Variants in CCT3 observed in about 807,000 individuals in gnomAD.
CCT3 encodes the protein T-complex protein 1 subunit gamma.
In CCT3, 10 loss-of-function variants were observed where a neutral mutation model predicts 65.3. That is an observed-to-expected ratio of 0.15 (90% CI 0.09 to 0.26). The LOEUF is 0.26. Among genes scored for constraint, CCT3 ranks in the 10% least tolerant of loss-of-function variants. The pLI is 1.00. For synonymous variants in CCT3, 225 were observed against 242.3 expected (o/e 0.93, Z 0.66); for missense variants, 626 against 708.7 (o/e 0.88, Z 1.33).
intron 6 of CCT3, 22 bp from the exon 7 acceptor site, chr1:156,321,047 G>A (rs776383985): frequency 5.6e-6 from 9 of 1,596,728 alleles, no homozygotes; most frequent in African/African-American, 1.3e-5. Context: ...AAAACCAGAC[G>A]ATATGTGAAG....
intron 1 of CCT3, among the ~76,000 whole-genome samples, chr1:156,336,240 G>A (rs1041409193): frequency 1.3e-5 from 2 of 148,522 alleles, no homozygotes; most frequent in African/African-American, 2.4e-5. Flanking sequence ...GTGGGATAGC[G>A]AACTCCCTGA....
intron 5 of CCT3, among the ~76,000 whole-genome samples, chr1:156,331,480 C>T (rs1489417767): frequency 6.6e-6 from 1 of 151,962 alleles, no homozygotes; most frequent in Non-Finnish European, 1.5e-5. Context: ...CTCAGGAGTT[C>T]GAGATCAGTC....
At chr1:156,315,911 T>C (rs1664291798) in intron 10 of CCT3, among the ~76,000 whole-genome samples, 1 of 152,142 alleles carries the variant, frequency 6.6e-6, no homozygotes. Flanking sequence ...AACATGTCTA[T>C]ACTATATAAT....
intron 10 of CCT3, among the ~76,000 whole-genome samples, chr1:156,315,067 T>C (rs997442317): frequency 4.6e-5 from 7 of 152,014 alleles, no homozygotes; most frequent in African/African-American, 1.7e-4. Flanking sequence ...TGCCTCCCCT[T>C]CTACCACTCT....
chr1:156,330,150 A>G (rs1161192916), intron 5 of CCT3, among the ~76,000 whole-genome samples: 1 of 152,194 alleles, frequency 6.6e-6, no homozygotes, highest in Non-Finnish European at 1.5e-5. Context: ...TATCAGCTAG[A>G]AAATTTTCTC....
chr1:156,318,518 T>C (rs1352104127), intron 8 of CCT3, among the ~76,000 whole-genome samples: 1 of 152,196 alleles, frequency 6.6e-6, no homozygotes, highest in African/African-American at 2.4e-5. Flanking sequence ...TGCATTAAGC[T>C]GAAATTCTCC....
rs369474360 is a variant in CCT3, at chr1:156,314,018, C to T, written c.975-1797G>A. Among the ~76,000 whole-genome samples, 281 of 145,276 alleles carry T rather than the reference C, an allele frequency of 1.9e-3. 2 individuals are homozygous for T. Among genetic ancestry groups the T allele is most frequent in the African/African-American group, 6.1e-3 (243 of 39,528 alleles). On this transcript the variant is annotated intron_variant, in intron 10 of 13. Transcript: ENST00000295688. ...CAGGAGAATCGCTTGAACCAGGAGGCGGAGGGTGCAGTGAGCCAAGATCAC... is the reference window on the plus strand; with the variant it reads ...CAGGAGAATCGCTTGAACCAGGAGGTGGAGGGTGCAGTGAGCCAAGATCAC...
intron 1 of CCT3, chr1:156,337,127 G>A (rs11264475): frequency 0.28 from 353,990 of 1,278,644 alleles, 50,688 homozygotes; most frequent in Non-Finnish European, 0.29. Flanking sequence ...ATAAGGGACC[G>A]GGCGCGGTGG....
At chr1:156,321,470 G>C (rs1664549591) in intron 6 of CCT3, among the ~76,000 whole-genome samples, 1 of 152,042 alleles carries the variant, frequency 6.6e-6, no homozygotes, top group African/African-American at 2.4e-5. Flanking sequence ...GGTCAAAGAT[G>C]ACCACCAACT....
chr1:156,311,333 G>T, intron 11 of CCT3, 138 bp from the exon 12 acceptor site: 2 of 729,476 alleles, frequency 2.7e-6, no homozygotes, highest in South Asian at 1.8e-5. Flanking sequence ...AACCCCTACT[G>T]GGCAGGGCAG....
intron 5 of CCT3, among the ~76,000 whole-genome samples, chr1:156,329,911 C>T (rs558627899): frequency 1.3e-5 from 2 of 151,544 alleles, no homozygotes; most frequent in African/African-American, 4.9e-5. Flanking sequence ...TGCACTCCAG[C>T]CTGGGCGACA....
intron 10 of CCT3, among the ~76,000 whole-genome samples, chr1:156,313,142 G>A (rs1191130696): frequency 1.3e-5 from 2 of 151,848 alleles, no homozygotes; most frequent in Non-Finnish European, 2.9e-5. Context: ...TCAGGAGTTC[G>A]AGACCAGCCT....
Position 156,309,323 on chromosome 1 carries a change from T to G in CCT3, c.1534-20A>C. ...TGCCGTCTAGGAGAAAAACCACAGA[T>G]GCAAAGAGGTCAGCAGAGAAGGAAA... On this transcript the variant is annotated intron_variant, in intron 13 of 13. Coordinates refer to ENST00000295688, the MANE Select transcript of CCT3 (RefSeq NM_005998.5). The G allele has an allele frequency of 6.6e-7, 1 of 1,515,666 alleles. No homozygotes were observed. The highest frequency in any genetic ancestry group is 9.2e-7 in the Non-Finnish European group (1 of 1,090,310). 93.9% of individuals were successfully genotyped at this position (1,515,666 alleles called of 1,614,324 possible).
chr1:156,335,504 T>C (rs1405987880), intron 2 of CCT3: 2 of 294,966 alleles, frequency 6.8e-6, no homozygotes, highest in Non-Finnish European at 1.2e-5. Context: ...CGGTGGGCAC[T>C]AGGAATACAA....
At chr1:156,334,601 G>C (rs1363863889) in intron 4 of CCT3, 112 bp downstream of exon 4, 1 of 922,744 alleles carries the variant, frequency 1.1e-6, no homozygotes, top group Non-Finnish European at 1.7e-6. Flanking sequence ...CCAGTTTCTG[G>C]TAATCTGTTA....
At chr1:156,327,553 G>A (rs1408674075) in intron 5 of CCT3, among the ~76,000 whole-genome samples, 1 of 152,214 alleles carries the variant, frequency 6.6e-6, no homozygotes, top group East Asian at 1.9e-4. Flanking sequence ...CCGGCCTCCC[G>A]AGGTGCCGGG....
intron 5 of CCT3, among the ~76,000 whole-genome samples, chr1:156,331,521 A>G (rs1370272802): frequency 2.6e-5 from 4 of 151,834 alleles, no homozygotes; most frequent in Non-Finnish European, 5.9e-5. Context: ...TGTCTCTACT[A>G]AAAACACAAA....
chr1:156,328,668 T>TA, intron 5 of CCT3, among the ~76,000 whole-genome samples: 1 of 151,902 alleles, frequency 6.6e-6, no homozygotes, highest in Non-Finnish European at 1.5e-5. Context: ...GCATGCTCGT[T>TA]AAGAGTCATC....
chr1:156,313,518 A>T (rs965590175), intron 10 of CCT3, among the ~76,000 whole-genome samples: 1 of 152,168 alleles, frequency 6.6e-6, no homozygotes, highest in African/African-American at 2.4e-5. Context: ...TGTGCAAAGG[A>T]GTTAGCCTGT....
Sources: allele counts gnomAD v4.1 joint callset (sites outside exome capture counted in the v4.1 genomes callset), GRCh38; gene constraint gnomAD v4.1.1; transcripts MANE v1.5; gene names NCBI Gene and HGNC (gene_info 2026-07-23, HGNC 2026-07-21).